Variants in TFPI observed in about 807,000 individuals in gnomAD.
The protein encoded by TFPI is anti-convertin.
TFPI carries 15 observed loss-of-function variants against 34.6 expected under a neutral mutation model. That is an observed-to-expected ratio of 0.43 (90% confidence interval 0.29 to 0.67). The LOEUF (loss-of-function observed/expected upper bound fraction) is 0.67, where lower values mean the gene tolerates loss of function less well. Among genes scored for constraint, TFPI ranks in the 30% least tolerant of loss-of-function variants. The pLI, the probability that TFPI is intolerant of heterozygous loss-of-function variation, is 0.15. For synonymous variants in TFPI, 105 were observed against 120.1 expected (o/e 0.87, Z 0.82); for missense variants, 301 against 364.0 (o/e 0.83, Z 1.41).
chr2:187,469,046 A>G (rs1251453053), intron 6 of TFPI, among the ~76,000 whole-genome samples: 1 of 152,040 alleles, frequency 6.6e-6, no homozygotes, highest in East Asian at 1.9e-4. Context: ...CCCCAGATGA[A>G]CAGACTGTAA....
At chr2:187,468,972 T>A (rs1691876687) in intron 6 of TFPI, among the ~76,000 whole-genome samples, 1 of 152,026 alleles carries the variant, frequency 6.6e-6, no homozygotes, top group African/African-American at 2.4e-5. Context: ...CTTTGAGGAA[T>A]CCAGTAGTTA....
intron 3 of TFPI, among the ~76,000 whole-genome samples, chr2:187,492,662 G>GT (rs1685198272): frequency 6.6e-6 from 1 of 152,166 alleles, no homozygotes; most frequent in Non-Finnish European, 1.5e-5. Flanking sequence ...TCATTTTGGA[G>GT]CTTTAGGATT....
chr2:187,534,972 A>C (rs996424862), intron 1 of TFPI, among the ~76,000 whole-genome samples: 4 of 152,210 alleles, frequency 2.6e-5, no homozygotes, highest in African/African-American at 9.7e-5. Context: ...AAACCAACAA[A>C]GATCGAAAGA....
intron 2 of TFPI, among the ~76,000 whole-genome samples, chr2:187,497,312 A>C (rs1685551678): frequency 6.6e-6 from 1 of 152,028 alleles, no homozygotes. Flanking sequence ...TACCAACCGA[A>C]CTGGGAGGGA....
At chr2:187,540,915 GA>G (rs1165025000) in intron 1 of TFPI, among the ~76,000 whole-genome samples, 15 of 144,856 alleles carry the variant, frequency 1.0e-4, no homozygotes, top group Admixed American at 4.8e-4. Context: ...AAAGAAAAAA[GA>G]AAAAAAAGAG....
chr2:187,507,740 T>A (rs1252006257), intron 1 of TFPI, among the ~76,000 whole-genome samples: 5 of 152,206 alleles, frequency 3.3e-5, no homozygotes, highest in African/African-American at 1.2e-4. Context: ...ATTGCAAAAA[T>A]TTTCTCCCAT....
chr2:187,470,461 T>G (rs771980907), intron 6 of TFPI, among the ~76,000 whole-genome samples: 1 of 152,142 alleles, frequency 6.6e-6, no homozygotes, highest in African/African-American at 2.4e-5. Context: ...AGTCCCTAGA[T>G]TGGACGTATG....
chr2:187,490,677 T>C (rs1685060282), intron 3 of TFPI, among the ~76,000 whole-genome samples: 1 of 151,696 alleles, frequency 6.6e-6, no homozygotes, highest in South Asian at 2.1e-4. Flanking sequence ...AGTGATAATA[T>C]CTACCTTTTA....
chr2:187,510,319 ATCCTTGCTCTAT>A (rs775471325), intron 1 of TFPI, among the ~76,000 whole-genome samples: 4 of 152,116 alleles, frequency 2.6e-5, no homozygotes, highest in Non-Finnish European at 4.4e-5. Context: ...TGTAACCCAC[ATCCTTGCTCTAT>A]TCAGATTAGC....
At chr2:187,520,507 C>T (rs1687309284) in intron 1 of TFPI, 1 of 152,274 alleles carries the variant, frequency 6.6e-6, no homozygotes, top group Non-Finnish European at 1.5e-5. Context: ...TGAGATGAGC[C>T]AGATACCTCA....
chr2:187,505,896 T>C (rs1326730952), intron 1 of TFPI, among the ~76,000 whole-genome samples: 1 of 151,966 alleles, frequency 6.6e-6, no homozygotes, highest in Admixed American at 6.6e-5. Context: ...AATTGTTGCT[T>C]TCAGAAGGGA....
At chr2:187,509,671 T>G (rs982651126) in intron 1 of TFPI, among the ~76,000 whole-genome samples, 5 of 152,174 alleles carry the variant, frequency 3.3e-5, no homozygotes, top group Non-Finnish European at 7.3e-5. Context: ...ATTGTGTCTA[T>G]TTGCTTCTTC....
intron 1 of TFPI, among the ~76,000 whole-genome samples, chr2:187,544,332 G>A (rs1040269545): frequency 1.3e-5 from 2 of 152,034 alleles, no homozygotes; most frequent in African/African-American, 4.8e-5. Context: ...TAATTTTAAA[G>A]TGTAAAATAT....
intron 2 of TFPI, 128 bp downstream of exon 2, chr2:187,503,520 T>C: frequency 9.3e-7 from 1 of 1,075,832 alleles, no homozygotes; most frequent in Non-Finnish European, 1.3e-6. Context: ...GTATAATAAA[T>C]TTCCAAAGAA....
intron 2 of TFPI, 32 bp from the exon 3 acceptor site, chr2:187,497,110 A>T (rs1186948561): frequency 6.4e-7 from 1 of 1,559,100 alleles, no homozygotes; most frequent in Admixed American, 1.7e-5. Flanking sequence ...TATAACATGT[A>T]ATCTCCATCA....
intron 6 of TFPI, among the ~76,000 whole-genome samples, chr2:187,480,506 A>T (rs1692773288): frequency 1.3e-5 from 2 of 152,152 alleles, no homozygotes; most frequent in African/African-American, 4.8e-5. Context: ...CTATTAGTTG[A>T]AGAGTTGGGA....
chr2:187,518,605 C>A (rs958683624), intron 1 of TFPI: 3 of 152,086 alleles, frequency 2.0e-5, no homozygotes, highest in African/African-American at 7.2e-5. Context: ...GTGAATCTGA[C>A]GATTATGTGT....
chr2:187,527,618 T>G (rs992593928), intron 1 of TFPI, among the ~76,000 whole-genome samples: 3 of 152,312 alleles, frequency 2.0e-5, no homozygotes, highest in African/African-American at 7.2e-5. Context: ...ATTTTGGCAT[T>G]AAGGTTCTTT....
chr2:187,522,182 T>C (rs1424678430), intron 1 of TFPI, among the ~76,000 whole-genome samples: 1 of 152,186 alleles, frequency 6.6e-6, no homozygotes, highest in Non-Finnish European at 1.5e-5. Context: ...TTCTGTTGAT[T>C]GTTTCTTTTG....
Sources: allele counts gnomAD v4.1 joint callset (sites outside exome capture counted in the v4.1 genomes callset), GRCh38; gene constraint gnomAD v4.1.1; transcripts MANE v1.5; gene names NCBI Gene and HGNC (gene_info 2026-07-23, HGNC 2026-07-21).